ZNF366: variants seen among roughly 807,000 people sequenced by gnomAD.
ZNF366 encodes the protein zinc finger protein 366, also known as dendritic cell-specific transcript protein.
A neutral mutation model predicts 47.2 loss-of-function variants in ZNF366; 20 were observed. That is an observed-to-expected ratio of 0.42 (90% confidence interval 0.30 to 0.62). The LOEUF is 0.62. Among genes scored for constraint, ZNF366 ranks in the 20% least tolerant of loss-of-function variants. The probability of loss-of-function intolerance (pLI) is 0.16; values close to 1 mark genes in which losing one functional copy is unlikely to be tolerated. For synonymous variants in ZNF366, 421 were observed against 395.1 expected, an observed-to-expected ratio of 1.07 and a Z score of -0.78; for missense variants, 987 against 976.3, an observed-to-expected ratio of 1.01 and a Z score of -0.15.
At chr5:72,445,543 T>C (rs548668598) in intron 4 of ZNF366, among the ~76,000 whole-genome samples, 1 of 152,324 alleles carries the variant, frequency 6.6e-6, no homozygotes, top group East Asian at 1.9e-4. Flanking sequence ...CCTTTGTAGA[T>C]GAAAACACTG....
rs142154264 is a variant in ZNF366 at position 72,446,679 on chromosome 5, A to G, written c.1699+564T>C. Among the ~76,000 whole-genome samples, 1,509 of 152,320 alleles carry G rather than the reference A, an allele frequency of 9.9e-3. 29 individuals carry two copies. The highest frequency in any genetic ancestry group is 9.5e-3 in the Non-Finnish European group (648 of 68,024). ...GGAAAATTGTCCTTGGGTGTGTCTG[A>G]TTGTGAACAAGTAGGAAAGACCTAG... On this transcript the variant is annotated intron_variant, in intron 4 of 4. Transcript: ENST00000318442.
intron 3 of ZNF366, among the ~76,000 whole-genome samples, chr5:72,452,216 C>G (rs1743088144): frequency 6.6e-6 from 1 of 152,222 alleles, no homozygotes; most frequent in Admixed American, 6.5e-5. Context: ...TTCTCCCTCT[C>G]TCTCTTTTAA....
chr5:72,464,548 C>T (rs371172525), intron 1 of ZNF366, among the ~76,000 whole-genome samples: 281 of 151,988 alleles, frequency 1.8e-3, no homozygotes, highest in African/African-American at 6.4e-3. Context: ...AAAAAAATGT[C>T]GAACAGAGAT....
chr5:72,468,385 C>T (rs1743477217), intron 1 of ZNF366, among the ~76,000 whole-genome samples: 1 of 152,144 alleles, frequency 6.6e-6, no homozygotes, highest in Admixed American at 6.5e-5. Context: ...TCTGTCAGCC[C>T]ATGATGTGGA....
intron 1 of ZNF366, among the ~76,000 whole-genome samples, chr5:72,475,943 A>G (rs956257332): frequency 1.3e-5 from 2 of 152,118 alleles, no homozygotes; most frequent in Non-Finnish European, 2.9e-5. Flanking sequence ...TGTAGCACTG[A>G]GCTCACCACG....
chr5:72,454,311 C>G (rs889618592), intron 3 of ZNF366, among the ~76,000 whole-genome samples: 3 of 152,206 alleles, frequency 2.0e-5, no homozygotes, highest in Non-Finnish European at 4.4e-5. Flanking sequence ...ATCAAAGGCC[C>G]AGGTTCCATA....
chr5:72,501,989 C>T (rs1744219223), intron 1 of ZNF366, among the ~76,000 whole-genome samples: 1 of 152,092 alleles, frequency 6.6e-6, no homozygotes, highest in Non-Finnish European at 1.5e-5. Context: ...GGGATAAATC[C>T]ATCAAGCTGG....
At chr5:72,469,873 CA>C (rs1743522939) in intron 1 of ZNF366, among the ~76,000 whole-genome samples, 1 of 152,052 alleles carries the variant, frequency 6.6e-6, no homozygotes, top group Non-Finnish European at 1.5e-5. Context: ...ACAACAACAG[CA>C]ACAATAACAA....
intron 1 of ZNF366, among the ~76,000 whole-genome samples, chr5:72,503,398 A>C (rs2112359987): frequency 6.6e-6 from 1 of 152,254 alleles, no homozygotes; most frequent in Non-Finnish European, 1.5e-5. Flanking sequence ...TGCCATCCAG[A>C]AGAAGACGGA....
chr5:72,490,637 G>A (rs963333134), intron 1 of ZNF366, among the ~76,000 whole-genome samples: 2 of 152,176 alleles, frequency 1.3e-5, no homozygotes, highest in Admixed American at 6.5e-5. Context: ...TCTCAATGGG[G>A]GCAATGGCAT....
In ZNF366 at chr5:72,461,186, T is replaced by C. The variant is rs759062964; in HGVS notation, c.311A>G (p.Asn104Ser). The C allele has an allele frequency of 1.2e-6, 2 of 1,614,160 alleles. No individual in the cohort carries two copies. Among genetic ancestry groups the C allele is most frequent in the Non-Finnish European group, 1.7e-6 (2 of 1,180,026 alleles). Residue 104 changes from asparagine to serine, a missense_variant, in exon 2 of 5, where the codon AAC (asparagine) becomes AGC (serine). Around this residue, in one of 3 missense-constraint regions of ZNF366, gnomAD observed 591 missense variants for 560.9 expected, o/e 1.05. Coordinates refer to ENST00000318442, the MANE Select transcript of ZNF366 (RefSeq NM_152625.3). ...GAGGTTGGGAAGGCCGTGGTTTTTG[T>C]TCTCCTCTGAGTGGAGGGCGAGGGT... ...EVTLALHSEE[N>S]KNHGLPNLPL...
intron 1 of ZNF366, chr5:72,472,620 T>A: frequency 1.1e-6 from 1 of 946,954 alleles, no homozygotes; most frequent in East Asian, 1.2e-4. Context: ...TAAAGAAGAA[T>A]CGGTTAGAAA....
At chr5:72,474,477 C>T (rs1743631668) in intron 1 of ZNF366, among the ~76,000 whole-genome samples, 1 of 152,160 alleles carries the variant, frequency 6.6e-6, no homozygotes, top group South Asian at 2.1e-4. Flanking sequence ...TTGTATCTCT[C>T]TTTTGGGACT....
chr5:72,486,188 G>T (rs866599502), intron 1 of ZNF366, among the ~76,000 whole-genome samples: 3 of 152,100 alleles, frequency 2.0e-5, no homozygotes, highest in African/African-American at 2.4e-5. Context: ...ATAATGTTTC[G>T]TGAGAGGTTG....
chr5:72,489,184 T>C (rs951997040), intron 1 of ZNF366, among the ~76,000 whole-genome samples: 25 of 150,772 alleles, frequency 1.7e-4, no homozygotes, highest in African/African-American at 6.1e-4. Context: ...AAGACCAGCC[T>C]AAGCAACACA....
At chr5:72,506,887 A>G (rs1199391405) in intron 1 of ZNF366, among the ~76,000 whole-genome samples, 1 of 152,322 alleles carries the variant, frequency 6.6e-6, no homozygotes, top group East Asian at 1.9e-4. Flanking sequence ...TCCTTAACAG[A>G]CACCCTGATA....
intron 1 of ZNF366, among the ~76,000 whole-genome samples, chr5:72,493,360 G>T (rs1744051048): frequency 6.6e-6 from 1 of 152,178 alleles, no homozygotes; most frequent in Non-Finnish European, 1.5e-5. Flanking sequence ...AGGAAACTAG[G>T]ACACAAATAA....
intron 4 of ZNF366, among the ~76,000 whole-genome samples, chr5:72,445,370 G>GC (rs11441019): frequency 0.84 from 128,134 of 151,844 alleles, 54,258 homozygotes; most frequent in East Asian, 0.96. Flanking sequence ...GGGAGGGGGT[G>GC]AAAAAAGAAG....
chr5:72,444,961 A>G (rs943088761), intron 4 of ZNF366, among the ~76,000 whole-genome samples: 1 of 152,240 alleles, frequency 6.6e-6, no homozygotes, highest in Non-Finnish European at 1.5e-5. Flanking sequence ...TATCATAAAC[A>G]AAAGTAAATC....
Sources: allele counts gnomAD v4.1 joint callset (sites outside exome capture counted in the v4.1 genomes callset), GRCh38; gene constraint gnomAD v4.1.1; regional missense constraint gnomAD v4.1.1; transcripts MANE v1.5; gene names NCBI Gene and HGNC (gene_info 2026-07-23, HGNC 2026-07-21).